The following UBE2L3 variants were observed in gnomAD, a reference collection of about 807,000 sequenced individuals.
UBE2L3 encodes the protein ubiquitin-conjugating enzyme E2 L3.
Under a neutral mutation model 17.8 loss-of-function variants are expected in UBE2L3, and 1 was observed. That is an observed-to-expected ratio of 0.06 (90% CI 0.02 to 0.27). The LOEUF is 0.27. Among genes scored for constraint, UBE2L3 ranks in the 10% least tolerant of loss-of-function variants. UBE2L3 has a pLI of 1.00. For missense variants in UBE2L3, 40 were observed against 192.6 expected (o/e 0.21, Z 4.69); for synonymous variants, 44 against 68.5 (o/e 0.64, Z 1.76).
intron 1 of UBE2L3, among the ~76,000 whole-genome samples, chr22:21,562,670 C>CT (rs131653): frequency 0.026 from 2,783 of 105,172 alleles, 62 homozygotes; most frequent in South Asian, 0.044. Context: ...CACGCCTGGG[C>CT]TTTTTTTTTT....
chr22:21,555,105 T>C (rs1178729413), intron 1 of UBE2L3: 2 of 149,954 alleles, frequency 1.3e-5, no homozygotes, highest in African/African-American at 5.0e-5. Context: ...CTGGGTTCTT[T>C]AGGGCTCCAG....
intron 1 of UBE2L3, among the ~76,000 whole-genome samples, chr22:21,583,503 G>C (rs1272438091): frequency 6.6e-6 from 1 of 152,202 alleles, no homozygotes; most frequent in African/African-American, 2.4e-5. Context: ...GCTGCCCATA[G>C]TACTGCTGTG....
chr22:21,563,404 A>T (rs1926518682), upstream of UBE2L3, among the ~76,000 whole-genome samples: 1 of 147,602 alleles, frequency 6.8e-6, no homozygotes, highest in South Asian at 2.1e-4. Context: ...ACCAAAAAAA[A>T]AAAAAAAATT....
intron 1 of UBE2L3, among the ~76,000 whole-genome samples, chr22:21,583,472 A>G (rs2148413185): frequency 6.6e-6 from 1 of 152,366 alleles, no homozygotes; most frequent in South Asian, 2.1e-4. Context: ...ACATTGTACC[A>G]GTGTCCTTGC....
intron 1 of UBE2L3, among the ~76,000 whole-genome samples, chr22:21,573,339 A>C (rs1251792141): frequency 1.3e-5 from 2 of 151,922 alleles, no homozygotes; most frequent in East Asian, 1.9e-4. Flanking sequence ...TCCCCTAAAA[A>C]CAGCATGCTT....
At chr22:21,592,742 C>G (rs1342088791) in intron 1 of UBE2L3, 119 bp from the exon 2 acceptor site, 4 of 782,162 alleles carry the variant, frequency 5.1e-6, no homozygotes, top group Non-Finnish European at 8.7e-6. Flanking sequence ...TTAGTCCTCA[C>G]TGTCCAATTT....
chr22:21,608,050 CAAAG>C, intron 2 of UBE2L3, among the ~76,000 whole-genome samples: 1 of 152,216 alleles, frequency 6.6e-6, no homozygotes, highest in African/African-American at 2.4e-5. Flanking sequence ...GTCTAAAGGA[CAAAG>C]AACACTTAAA....
chr22:21,561,902 C>T (rs1358317427), intron 1 of UBE2L3, among the ~76,000 whole-genome samples: 3 of 152,188 alleles, frequency 2.0e-5, no homozygotes, highest in African/African-American at 4.8e-5. Context: ...CCCAGGGCCA[C>T]AGTTTTCTCT....
chr22:21,562,183 A>G (rs865965900), intron 1 of UBE2L3, among the ~76,000 whole-genome samples: 120 of 135,396 alleles, frequency 8.9e-4, no homozygotes, highest in South Asian at 3.5e-3. Flanking sequence ...GTGCCTGTGT[A>G]CCTCTTTTTT....
At chr22:21,614,068 T>G (rs1929642031) in intron 3 of UBE2L3, among the ~76,000 whole-genome samples, 2 of 152,214 alleles carry the variant, frequency 1.3e-5, no homozygotes, top group South Asian at 4.1e-4. Flanking sequence ...GCAAGGTTGC[T>G]GAGTCCCCTT....
intron 2 of UBE2L3, among the ~76,000 whole-genome samples, chr22:21,599,803 T>G (rs982543651): frequency 2.3e-4 from 35 of 152,288 alleles, no homozygotes; most frequent in African/African-American, 8.4e-4. Flanking sequence ...GTTTTGTTTT[T>G]TTCACTTCTA....
At position 21,621,985 on chromosome 22, in the gene UBE2L3, G is replaced by GT. The variant is rs1555887363; in HGVS notation, c.*319dup. 1,524 of 228,690 alleles carry GT rather than the reference G, an allele frequency of 6.7e-3. 29 individuals are homozygous for GT. The highest frequency in any genetic ancestry group is 0.034 in the African/African-American group (1,437 of 42,006). The allele number at this position is 228,690 out of a possible 1,614,324, so 14.2% of individuals were successfully genotyped here. A position where few individuals can be genotyped will look rare whatever the true frequency, so the allele number is the denominator to read the frequency against. On this transcript the variant is annotated 3_prime_UTR_variant, in exon 4 of 4. Transcript: ENST00000342192. The stretch of plus-strand genomic sequence containing the variant: ...CTTCAAGTTACATTTAACCCATAAG[G>GT]TTTAAAAAAAAGGAAAAAAAACGGT...
At chr22:21,568,507 A>G in intron 1 of UBE2L3, 4 of 886,782 alleles carry the variant, frequency 4.5e-6, no homozygotes, top group Non-Finnish European at 5.4e-6. Flanking sequence ...ATAACGGTTG[A>G]TTTCAGTCGT....
At chr22:21,568,278 G>A (rs2148397374) in intron 1 of UBE2L3, 1 of 986,108 alleles carries the variant, frequency 1.0e-6, no homozygotes, top group East Asian at 1.1e-4. Context: ...GAGAGAAGGA[G>A]GCCAGGCGGC....
chr22:21,568,044 G>C, intron 1 of UBE2L3: 1 of 1,284,730 alleles, frequency 7.8e-7, no homozygotes, highest in East Asian at 3.3e-5. Flanking sequence ...GCTTGGCCGC[G>C]TCCCCCTGTC....
Position 21,589,835 on chromosome 22 carries a change from G to A in UBE2L3, c.28-3026G>A, listed in dbSNP as rs1299799722. ...CTGTCTTTGGAGAGCTTAACTTGACGGCAAGGTAAGTTGGGAGTTTATGTG... is the reference window on the plus strand; with the variant it reads ...CTGTCTTTGGAGAGCTTAACTTGACAGCAAGGTAAGTTGGGAGTTTATGTG... On this transcript the variant is annotated intron_variant, in intron 1 of 3. Coordinates refer to ENST00000342192, the MANE Select transcript of UBE2L3 (RefSeq NM_003347.4). Among the ~76,000 whole-genome samples the A allele has an allele frequency of 3.3e-5, 5 of 152,098 alleles. No homozygotes were observed. In the East Asian group the frequency reaches 9.6e-4, roughly 29 times the overall value.
chr22:21,582,453 A>G (rs1444801784), intron 1 of UBE2L3, among the ~76,000 whole-genome samples: 1 of 151,476 alleles, frequency 6.6e-6, no homozygotes, highest in Admixed American at 6.6e-5. Context: ...TCCCAGGTTC[A>G]GGCTGTTCTC....
chr22:21,609,630 C>A (rs1402999511), intron 2 of UBE2L3, among the ~76,000 whole-genome samples: 1 of 152,008 alleles, frequency 6.6e-6, no homozygotes, highest in Non-Finnish European at 1.5e-5. Flanking sequence ...ATTGCTTGAG[C>A]CTGTGAAGTC....
chr22:21,614,905 G>A (rs1177524790), intron 3 of UBE2L3, among the ~76,000 whole-genome samples: 3 of 152,328 alleles, frequency 2.0e-5, no homozygotes, highest in East Asian at 1.9e-4. Flanking sequence ...TGTAATCCCA[G>A]CACTTTGGGA....
Sources: gnomAD v4.1 joint callset for allele counts (sites outside exome capture counted in the v4.1 genomes callset) on GRCh38, gnomAD v4.1.1 for gene constraint, MANE v1.5 for transcripts, NCBI Gene and HGNC (gene_info 2026-07-23, HGNC 2026-07-21) for gene names.